Variants in NCOR2 observed in about 807,000 individuals in gnomAD.
NCOR2 encodes nuclear receptor corepressor 2, also known as CTG repeat protein 26.
In NCOR2, 81 loss-of-function variants were observed where a neutral mutation model predicts 262.9. That is an observed-to-expected ratio of 0.31 (90% CI 0.26 to 0.37). The LOEUF (loss-of-function observed/expected upper bound fraction) is 0.37, where lower values mean the gene tolerates loss of function less well. Ranked by LOEUF, NCOR2 falls within the 10% of genes least tolerant of loss-of-function variation. NCOR2 has a pLI of 1.00. For missense variants in NCOR2, 3,385 were observed against 3,621.4 expected (o/e 0.93, Z 1.68); for synonymous variants, 1,659 against 1,559.3 (o/e 1.06, Z -1.51).
chr12:124,493,488 C>T (rs181504391), intron 1 of NCOR2, among the ~76,000 whole-genome samples: 29 of 152,304 alleles, frequency 1.9e-4, no homozygotes, highest in African/African-American at 6.3e-4. Context: ...TCTCAGTACC[C>T]CCACTTTATG....
At chr12:124,496,449 C>G (rs1030103636), upstream of NCOR2, among the ~76,000 whole-genome samples, 1 of 152,232 alleles carries the variant, frequency 6.6e-6, no homozygotes, top group African/African-American at 2.4e-5. This position sits in a 1 kb window ranked among gnomAD's most constrained non-coding sequence, Gnocchi z 4.4. Context: ...GGAAATGCAC[C>G]CTGGCACCGG....
exon 43 of NCOR2, chr12:124,332,341 G>C (rs747292908): frequency 1.9e-6 from 3 of 1,614,182 alleles, no homozygotes; most frequent in Non-Finnish European, 2.5e-6. Flanking sequence ...CATTCCGGTT[G>C]TGGGTGTTCA....
At chr12:124,398,220 G>A (rs756503481) in intron 15 of NCOR2, 39 bp from the exon 18 acceptor site, 129 of 1,609,652 alleles carry the variant, frequency 8.0e-5, no homozygotes, top group Middle Eastern at 4.9e-4. Flanking sequence ...GGAGCCGGGA[G>A]AGGAGGCACT....
chr12:124,384,807 G>A (rs573569935), intron 17 of NCOR2, among the ~76,000 whole-genome samples: 3 of 152,226 alleles, frequency 2.0e-5, no homozygotes, highest in African/African-American at 7.2e-5. Context: ...CATGGTTTGG[G>A]AGTGGCGGGG....
chr12:124,398,826 G>A (rs1425402484), intron 15 of NCOR2, among the ~76,000 whole-genome samples: 1 of 152,250 alleles, frequency 6.6e-6, no homozygotes, highest in Non-Finnish European at 1.5e-5. Flanking sequence ...CAGAGGGAAT[G>A]TTCATACCCC....
chr12:124,482,079 C>T lies in NCOR2; in HGVS notation c.411+1517G>A, dbSNP rs1284072136. On this transcript the variant is annotated intron_variant, in intron 3 of 46. Coordinates refer to ENST00000405201, the Ensembl canonical transcript of NCOR2. This position sits in a 1 kb window ranked among gnomAD's most constrained non-coding sequence, Gnocchi z 6.3. ...TCCCTGAGTGCCAACAAGAACACAG[C>T]TGCATCCGCCGGGGGAGGTTCCTGA... Among the ~76,000 whole-genome samples, 1 of 152,132 alleles carries T rather than the reference C, an allele frequency of 6.6e-6. No homozygotes were observed. Among genetic ancestry groups the T allele is most frequent in the African/African-American group, 2.4e-5 (1 of 41,406 alleles).
In NCOR2 at chr12:124,449,804, C is replaced by G. The variant is rs746791179; in HGVS notation, c.815+11G>C. On this transcript the variant is annotated intron_variant, in intron 7 of 46. Transcript: ENST00000405201. ...CTCTGTGTGTCTGCACGGCTGCCCG[C>G]GAGCACTCACATTTTGATGTTCTCA... is the stretch of plus-strand genomic sequence containing the variant. The G allele has an allele frequency of 1.2e-6, 2 of 1,613,960 alleles. No individual in the cohort carries two copies. Among genetic ancestry groups the G allele is most frequent in the South Asian group, 2.2e-5 (2 of 91,062 alleles).
intron 4 of NCOR2, among the ~76,000 whole-genome samples, chr12:124,471,272 C>A (rs1465147446): frequency 2.0e-5 from 3 of 152,228 alleles, no homozygotes; most frequent in African/African-American, 7.2e-5. Context: ...CAGCCTTCAC[C>A]CACCTGCCTA....
At chr12:124,445,608 C>T (rs1403567978) in intron 7 of NCOR2, among the ~76,000 whole-genome samples, 2 of 152,090 alleles carry the variant, frequency 1.3e-5, no homozygotes, top group Non-Finnish European at 2.9e-5. Context: ...GCGAGGAGGC[C>T]GTGAGCGCCA....
At chr12:124,346,618 G>T in exon 31 of NCOR2, 1 of 1,593,078 alleles carries the variant, frequency 6.3e-7, no homozygotes. Flanking sequence ...GCTCGGGCGT[G>T]TGCCGCAGCT....
chr12:124,371,198 C>A (rs2039479031), intron 20 of NCOR2, among the ~76,000 whole-genome samples: 1 of 148,384 alleles, frequency 6.7e-6, no homozygotes, highest in East Asian at 2.0e-4. Context: ...AGTGCCCCCA[C>A]CCCCGTGAGA....
At chr12:124,451,637 G>A (rs2045546309) in intron 6 of NCOR2, among the ~76,000 whole-genome samples, 1 of 152,130 alleles carries the variant, frequency 6.6e-6, no homozygotes, top group Non-Finnish European at 1.5e-5. Context: ...CACAGCAGGA[G>A]CCTCCCAGGG....
At chr12:124,341,410 T>C (rs2036448453) in intron 34 of NCOR2, among the ~76,000 whole-genome samples, 1 of 152,162 alleles carries the variant, frequency 6.6e-6, no homozygotes, top group African/African-American at 2.4e-5. Context: ...TGGCTAATTT[T>C]TGTATTTTTA....
chr12:124,453,279 T>C (rs909572993), intron 6 of NCOR2, among the ~76,000 whole-genome samples: 1 of 152,162 alleles, frequency 6.6e-6, no homozygotes, highest in Non-Finnish European at 1.5e-5. Context: ...GGCTGGCCCC[T>C]GTCCCTCACC....
intron 17 of NCOR2, 139 bp downstream of exon 19, chr12:124,385,606 C>G: frequency 2.3e-6 from 3 of 1,315,790 alleles, no homozygotes; most frequent in Non-Finnish European, 3.1e-6. Context: ...CTTGAACCCC[C>G]AGAAGCTGAG....
At position 124,443,782 on chromosome 12, in the gene NCOR2, T is replaced by A. The variant is rs1365533602; in HGVS notation, c.816-5786A>T. Among the ~76,000 whole-genome samples the A allele has an allele frequency of 3.3e-5, 5 of 152,324 alleles. No individual in the cohort carries two copies. The South Asian group carries it at 8.3e-4, about 25-fold the overall frequency. On this transcript the variant is annotated intron_variant, in intron 7 of 46. Coordinates refer to ENST00000405201, the Ensembl canonical transcript of NCOR2. The surrounding 1 kb of genome is among the most constrained non-coding windows in gnomAD (Gnocchi z 4.4). ...TCCCAAAGTGCTGGGATTACAGGTG[T>A]GAGCCACCGCACCCGGCTGGTGCTT...
intron 3 of NCOR2, among the ~76,000 whole-genome samples, chr12:124,473,804 A>G (rs946151491): frequency 1.3e-5 from 2 of 152,080 alleles, no homozygotes; most frequent in Admixed American, 6.5e-5. Context: ...TATCAGCAGC[A>G]TGAAAACGGA....
rs895164552 is a variant in NCOR2 at position 124,332,535 on chromosome 12, A to G, written c.6756-68T>C. ...GCTTGCATGCCTTTGATGATGGGGA[A>G]CTCACCACCTGAGATGCCTTAGACA... On this transcript the variant is annotated intron_variant, in intron 42 of 46. Transcript: ENST00000405201. The G allele has an allele frequency of 7.5e-6, 12 of 1,599,894 alleles. No individual in the cohort carries two copies. The African/African-American group carries it at 1.2e-4, about 16-fold the overall frequency.
chr12:124,347,738 C>A, intron 30 of NCOR2, 87 bp downstream of exon 32: 1 of 1,366,778 alleles, frequency 7.3e-7, no homozygotes, highest in Non-Finnish European at 1.0e-6. Context: ...GAGTTCCCAC[C>A]ACACTCTGGC....
Sources: gnomAD v4.1 joint callset for allele counts (sites outside exome capture counted in the v4.1 genomes callset) on GRCh38, gnomAD v4.1.1 for gene constraint, Gnocchi (gnomAD v3.1) non-coding constraint, MANE v1.5 for transcripts, NCBI Gene and HGNC (gene_info 2026-07-23, HGNC 2026-07-21) for gene names.